The following PDCD5 variants were observed in gnomAD, a reference collection of about 807,000 sequenced individuals.
PDCD5 encodes the protein programmed cell death 5, also known as programmed cell death protein 5.
PDCD5 carries 23 observed loss-of-function variants against 21.9 expected under a neutral mutation model. The ratio of observed to expected loss-of-function variants is 1.05; its 90% CI spans 0.76 to 1.49. The LOEUF (loss-of-function observed/expected upper bound fraction) is 1.49, where lower values mean the gene tolerates loss of function less well. Ranked by LOEUF, PDCD5 falls within the 40% of genes most tolerant of loss-of-function variation. PDCD5 has a pLI of 0.00. For missense variants in PDCD5, 152 were observed against 147.7 expected, an observed-to-expected ratio of 1.03 and a Z score of -0.15; for synonymous variants, 45 against 49.4, an observed-to-expected ratio of 0.91 and a Z score of 0.37.
At chr19:32,583,470 T>TA (rs1231562728) in intron 2 of PDCD5, among the ~76,000 whole-genome samples, 2 of 150,952 alleles carry the variant, frequency 1.3e-5, no homozygotes, top group African/African-American at 4.9e-5. Flanking sequence ...TTTTTTTTTT[T>TA]AATAGCCTCG....
At chr19:32,584,898 G>A in intron 2 of PDCD5, 52 bp from the exon 3 acceptor site, 1 of 1,434,694 alleles carries the variant, frequency 7.0e-7, no homozygotes, top group Middle Eastern at 1.8e-4. Flanking sequence ...ATGTTACATG[G>A]GAATGCCGAC....
rs1971426337 is a variant in PDCD5, at chr19:32,581,570, G to T, written c.66+243G>T. On this transcript the variant is annotated intron_variant, in intron 1 of 5. Coordinates refer to ENST00000590247, the MANE Select transcript of PDCD5 (RefSeq NM_004708.4). ...ACCTGCCCTGGCGTTGGGGTGTGGG[G>T]TCCCCTAGCCTGGAGCGGGCTCGTC... 8.4e-6 allele frequency: 3 copies of T among 356,894 alleles called. No homozygotes were observed. In the South Asian group the frequency reaches 3.9e-4, roughly 47 times the overall value. The allele number at this position is 356,894 out of a possible 1,614,324, so 22.1% of individuals were successfully genotyped here.
At position 32,587,269 on chromosome 19, in the gene PDCD5, T is replaced by C; in HGVS notation, c.347T>C (p.Val116Ala). 6.2e-7 allele frequency: 1 copy of C among 1,606,810 alleles called. No homozygotes were observed. Among genetic ancestry groups the C allele is most frequent in the Non-Finnish European group, 8.5e-7 (1 of 1,174,596 alleles). The part of the protein sequence containing the change: ...TTTVKFNRRK[V>A]MDSDEDDDY The stretch of plus-strand genomic sequence containing the variant: ...TCCTCCCAGTTCAACAGAAGAAAAG[T>C]AATGGACTCTGATGAAGATGACGAT... Residue 116 changes from valine to alanine, a missense_variant, in exon 6 of 6, where the codon GTA (valine) becomes GCA (alanine). Coordinates refer to ENST00000590247, the MANE Select transcript of PDCD5 (RefSeq NM_004708.4).
At position 32,585,016 on chromosome 19, in the gene PDCD5, G is replaced by A; in HGVS notation, c.166+5G>A. On this transcript the variant is annotated splice_donor_5th_base_variant and intron_variant, in intron 3 of 5. Coordinates refer to ENST00000590247, the MANE Select transcript of PDCD5 (RefSeq NM_004708.4). Reference sequence around the variant, plus strand: ...ATCAGTCGGCCCGGGCCAGGTGTAAGCATCTTTGATTTCATTTCCATAAAG... The same window carrying A: ...ATCAGTCGGCCCGGGCCAGGTGTAAACATCTTTGATTTCATTTCCATAAAG... 4 of 1,610,730 alleles carry A rather than the reference G, an allele frequency of 2.5e-6. No individual in the cohort carries two copies. Among genetic ancestry groups the A allele is most frequent in the Non-Finnish European group, 3.4e-6 (4 of 1,176,906 alleles).
chr19:32,586,461 T>C (rs1971477282), intron 4 of PDCD5: 1 of 1,105,078 alleles, frequency 9.0e-7, no homozygotes, highest in Non-Finnish European at 1.1e-6. Context: ...TGGGTTGATC[T>C]TTTCCGAGTG....
In PDCD5 at chr19:32,586,093, C is replaced by T. The variant is rs917050610; in HGVS notation, c.258+186C>T. 1.4e-5 allele frequency: 22 copies of T among 1,537,702 alleles called. 1 individual carries two copies. The South Asian group carries it at 2.6e-4, about 18-fold the overall frequency. Reference sequence around the variant, plus strand: ...GCCTTTCCTAAATTCCTCTGCTTCGCTCCTTTCCTGGCGTTGCTCTGGAAC... The same window carrying T: ...GCCTTTCCTAAATTCCTCTGCTTCGTTCCTTTCCTGGCGTTGCTCTGGAAC... On this transcript the variant is annotated intron_variant, in intron 4 of 5. Transcript: ENST00000590247.
At position 32,582,342 on chromosome 19, in the gene PDCD5, ATGG is replaced by A. The variant is rs1290014455; in HGVS notation, c.104+113_104+115del. On this transcript the variant is annotated intron_variant, in intron 2 of 5. Coordinates refer to ENST00000590247, the MANE Select transcript of PDCD5 (RefSeq NM_004708.4). Reference sequence around the variant, plus strand: ...ACTCAGATTTTTTTGTTTTGCTGGAATGGTGATTTGGCCAAAATCATCCGCAGG... The same window carrying A: ...ACTCAGATTTTTTTGTTTTGCTGGAATGATTTGGCCAAAATCATCCGCAGG... 3 of 987,110 alleles carry A rather than the reference ATGG, an allele frequency of 3.0e-6. No individual in the cohort carries two copies. The Admixed American group carries it at 6.7e-5, about 22-fold the overall frequency. The allele number at this position is 987,110 out of a possible 1,614,324, so 61.1% of individuals were successfully genotyped here. A position where few individuals can be genotyped will look rare whatever the true frequency, so the allele number is the denominator to read the frequency against.
At chr19:32,581,697 A>T (rs775876483) in intron 1 of PDCD5, 4 of 208,830 alleles carry the variant, frequency 1.9e-5, no homozygotes, top group Non-Finnish European at 3.7e-5. Flanking sequence ...AGTTTAGCCG[A>T]CAGGTATTGA....
intron 2 of PDCD5, among the ~76,000 whole-genome samples, chr19:32,584,113 T>C (rs1484556756): frequency 6.6e-6 from 1 of 152,140 alleles, no homozygotes; most frequent in Non-Finnish European, 1.5e-5. Flanking sequence ...ATTACAGGCA[T>C]GAGCCACCAT....
At chr19:32,585,189 A>C (rs1487145053) in intron 3 of PDCD5, among the ~76,000 whole-genome samples, 178 bp downstream of exon 3, 3 of 152,204 alleles carry the variant, frequency 2.0e-5, no homozygotes, top group Admixed American at 2.0e-4. Context: ...TAGTAAAAGT[A>C]CCAGGTCACT....
At chr19:32,585,793 G>C (rs758997471) in intron 3 of PDCD5, 23 bp from the exon 4 acceptor site, 8 of 1,319,146 alleles carry the variant, frequency 6.1e-6, no homozygotes, top group Non-Finnish European at 8.7e-6. Flanking sequence ...TGGATTTTTT[G>C]CATATGTATT....
intron 3 of PDCD5, 81 bp from the exon 4 acceptor site, chr19:32,585,735 A>G: frequency 1.3e-6 from 1 of 796,516 alleles, no homozygotes; most frequent in South Asian, 1.5e-5. Context: ...TGCTTTGGAA[A>G]GGTCAATGCA....
At position 32,585,011 on chromosome 19, in the gene PDCD5, T is replaced by A. The variant is rs1344014525; in HGVS notation, c.166T>A (p.Leu56Ile). The A allele has an allele frequency of 3.7e-6, 6 of 1,611,924 alleles. No individual in the cohort carries two copies. Among genetic ancestry groups the A allele is most frequent in the Non-Finnish European group, 5.1e-6 (6 of 1,177,984 alleles). The change falls in exon 3 of 6, where the codon TTA (leucine) becomes ATA (isoleucine). Residue 56 changes from leucine (L) to isoleucine (I), a missense_variant and splice_region_variant. By Grantham distance (5) the Leu-to-Ile change is conservative. Coordinates refer to ENST00000590247, the MANE Select transcript of PDCD5 (RefSeq NM_004708.4). ...TCTGGATCAGTCGGCCCGGGCCAGG[T>A]GTAAGCATCTTTGATTTCATTTCCA... The part of the protein sequence containing the change: ...QVLDQSARAR[L>I]SNLALVKPEK...
intron 2 of PDCD5, among the ~76,000 whole-genome samples, chr19:32,582,771 T>C (rs537194741): frequency 1.4e-4 from 21 of 152,358 alleles, no homozygotes; most frequent in Non-Finnish European, 2.8e-4. Flanking sequence ...CACTCTAGAA[T>C]GTTTTCATCT....
intron 2 of PDCD5, 134 bp downstream of exon 2, chr19:32,582,366 G>T: frequency 1.4e-6 from 1 of 711,144 alleles, no homozygotes; most frequent in Non-Finnish European, 2.5e-6. Context: ...AAAATCATCC[G>T]CAGGGTATCT....
At chr19:32,586,684 T>C in intron 4 of PDCD5, 174 bp from the exon 5 acceptor site, 2 of 1,316,366 alleles carry the variant, frequency 1.5e-6, no homozygotes, top group Non-Finnish European at 1.9e-6. Context: ...GCAAATTTTA[T>C]TTGGAACTTA....
At chr19:32,583,097 G>C (rs1000767747) in intron 2 of PDCD5, among the ~76,000 whole-genome samples, 2 of 152,134 alleles carry the variant, frequency 1.3e-5, no homozygotes. Flanking sequence ...ATTTACTTTT[G>C]ACTCTGCTAT....
At chr19:32,586,010 A>G in intron 4 of PDCD5, 103 bp downstream of exon 4, 1 of 1,607,524 alleles carries the variant, frequency 6.2e-7, no homozygotes, top group Admixed American at 1.7e-5. Flanking sequence ...ATTCTTGCTG[A>G]CTCTCAGAAG....
At chr19:32,585,037 TAA>T (rs1438264578) in intron 3 of PDCD5, 26 bp downstream of exon 3, 3 of 1,573,094 alleles carry the variant, frequency 1.9e-6, no homozygotes. Context: ...TTCATTTCCA[TAA>T]AGTTAGCTTG....
Sources: gnomAD v4.1 joint callset for allele counts (sites outside exome capture counted in the v4.1 genomes callset) on GRCh38, gnomAD v4.1.1 for gene constraint, MANE v1.5 for transcripts, NCBI Gene and HGNC (gene_info 2026-07-23, HGNC 2026-07-21) for gene names.